Variants in WDR70 observed in about 807,000 individuals in gnomAD.
WDR70 encodes WD repeat domain 70, also known as WD repeat-containing protein 70.
In WDR70, 53 loss-of-function variants were observed where a neutral mutation model predicts 88.6. The ratio of observed to expected loss-of-function variants is 0.60; its 90% CI spans 0.48 to 0.75. The LOEUF (loss-of-function observed/expected upper bound fraction) is 0.75, where lower values mean the gene tolerates loss of function less well. Ranked by LOEUF, WDR70 falls within the 30% of genes least tolerant of loss-of-function variation. The probability of loss-of-function intolerance (pLI) is 0.00; values close to 1 mark genes in which losing one functional copy is unlikely to be tolerated. For missense variants in WDR70, 610 were observed against 823.2 expected (o/e 0.74, Z 3.17); for synonymous variants, 280 against 270.0 (o/e 1.04, Z -0.36).
intron 13 of WDR70, among the ~76,000 whole-genome samples, chr5:37,718,146 A>C (rs544869951): frequency 6.6e-6 from 1 of 152,316 alleles, no homozygotes; most frequent in South Asian, 2.1e-4. Flanking sequence ...AACATATACT[A>C]ATCAGCTATA....
chr5:37,500,800 A>T (rs1740386092), intron 8 of WDR70, among the ~76,000 whole-genome samples: 1 of 134,384 alleles, frequency 7.4e-6, no homozygotes, highest in Non-Finnish European at 1.5e-5. Flanking sequence ...ATCTCAGCTC[A>T]CCGCAGCCTC....
At chr5:37,428,757 T>A (rs140469926) in intron 5 of WDR70, among the ~76,000 whole-genome samples, 1 of 152,302 alleles carries the variant, frequency 6.6e-6, no homozygotes, top group African/African-American at 2.4e-5. Flanking sequence ...AGATATATGT[T>A]TTTATTTCTC....
rs1031271483 is a variant in WDR70 at position 37,439,723 on chromosome 5, CT to C, written c.552+1749del. 2.7e-5 allele frequency among the ~76,000 whole-genome samples: 4 copies of C among 145,486 alleles called. No individual in the cohort carries two copies. The Admixed American group carries it at 2.8e-4, about 10-fold the overall frequency. On this transcript the variant is annotated intron_variant, in intron 6 of 17. Coordinates refer to ENST00000265107, the MANE Select transcript of WDR70 (RefSeq NM_018034.4). ...TTAGAAGGTGACTTTTCTCTCTGAT[CT>C]TTTTTTCTTTTAAATGAGTTATTTT...
chr5:37,414,872 T>C (rs1182906779), intron 5 of WDR70, among the ~76,000 whole-genome samples: 1 of 149,378 alleles, frequency 6.7e-6, no homozygotes, highest in Non-Finnish European at 1.5e-5. Context: ...GGAGGGAAGG[T>C]CAGCAGATAA....
intron 13 of WDR70, among the ~76,000 whole-genome samples, chr5:37,715,605 C>T (rs2112685666): frequency 6.6e-6 from 1 of 152,212 alleles, no homozygotes; most frequent in Admixed American, 6.5e-5. Context: ...AGTCTTGTGG[C>T]CCATGCATGT....
intron 10 of WDR70, among the ~76,000 whole-genome samples, chr5:37,688,397 C>CT (rs1399286957): frequency 6.6e-6 from 1 of 152,130 alleles, no homozygotes; most frequent in African/African-American, 2.4e-5. Context: ...AATGATAGGT[C>CT]TTTCTTCTAT....
chr5:37,714,104 A>G (rs1001699492), intron 13 of WDR70, among the ~76,000 whole-genome samples: 5 of 152,346 alleles, frequency 3.3e-5, no homozygotes, highest in African/African-American at 9.6e-5. Context: ...TACCTGTACT[A>G]TAGTAAGATA....
At chr5:37,718,986 C>T (rs1747729333) in intron 13 of WDR70, among the ~76,000 whole-genome samples, 1 of 152,080 alleles carries the variant, frequency 6.6e-6, no homozygotes, top group South Asian at 2.1e-4. Context: ...AGTTCTGGGG[C>T]ACAGTTTTAA....
chr5:37,547,073 A>AG (rs1354257944), intron 9 of WDR70, among the ~76,000 whole-genome samples: 2 of 152,214 alleles, frequency 1.3e-5, no homozygotes, highest in Non-Finnish European at 2.9e-5. Flanking sequence ...AGGTCAGGCA[A>AG]GGTAGCATCA....
At chr5:37,479,636 A>G (rs1739597229) in intron 7 of WDR70, 198 bp from the exon 8 acceptor site, 1 of 514,542 alleles carries the variant, frequency 1.9e-6, no homozygotes, top group East Asian at 3.4e-5. Context: ...CTCCCAAAGT[A>G]TTGGGATTAT....
At chr5:37,487,626 TA>T (rs1406652988) in intron 8 of WDR70, among the ~76,000 whole-genome samples, 572 of 10,432 alleles carry the variant, frequency 0.055, 5 homozygotes, top group African/African-American at 0.082. Context: ...TATATATATG[TA>T]TTTTTTTTTT....
At chr5:37,743,617 CT>C (rs751221038) in intron 17 of WDR70, among the ~76,000 whole-genome samples, 2 of 152,212 alleles carry the variant, frequency 1.3e-5, no homozygotes, top group Non-Finnish European at 2.9e-5. Flanking sequence ...GGTCCCAAGA[CT>C]TGTCCCCACA....
chr5:37,486,591 T>G (rs1292572361), intron 8 of WDR70, among the ~76,000 whole-genome samples: 1 of 152,170 alleles, frequency 6.6e-6, no homozygotes, highest in Non-Finnish European at 1.5e-5. Flanking sequence ...GTGATCCGCC[T>G]GCCTTGGCCT....
chr5:37,622,464 T>A (rs1277025731), intron 10 of WDR70, among the ~76,000 whole-genome samples: 2 of 152,006 alleles, frequency 1.3e-5, no homozygotes, highest in Non-Finnish European at 2.9e-5. Flanking sequence ...GCAGCACTAT[T>A]CACAATAGCA....
chr5:37,531,525 CTTTT>C (rs1237155505), intron 9 of WDR70, among the ~76,000 whole-genome samples: 1 of 148,748 alleles, frequency 6.7e-6, no homozygotes, highest in Admixed American at 6.7e-5. Flanking sequence ...TGGATTAGTC[CTTTT>C]TATCATTATA....
At chr5:37,402,759 A>C (rs1330335729) in intron 5 of WDR70, among the ~76,000 whole-genome samples, 1 of 151,846 alleles carries the variant, frequency 6.6e-6, no homozygotes, top group Non-Finnish European at 1.5e-5. Flanking sequence ...CTATCTGACC[A>C]TATATTGGTA....
chr5:37,641,089 C>G (rs898352496), intron 10 of WDR70, among the ~76,000 whole-genome samples: 1 of 152,186 alleles, frequency 6.6e-6, no homozygotes, highest in African/African-American at 2.4e-5. Context: ...TTAGCCTTTT[C>G]TCTTTTATTT....
At chr5:37,423,699 G>C (rs1314893895) in intron 5 of WDR70, among the ~76,000 whole-genome samples, 2 of 149,962 alleles carry the variant, frequency 1.3e-5, no homozygotes, top group Non-Finnish European at 3.0e-5. Context: ...AGGTAGCTAG[G>C]ATTACAGGCA....
chr5:37,558,469 C>G (rs549527532), intron 9 of WDR70, among the ~76,000 whole-genome samples: 24 of 151,954 alleles, frequency 1.6e-4, no homozygotes, highest in Non-Finnish European at 3.1e-4. Context: ...TAGGTGCACA[C>G]CACCTTCCTG....
Sources: gnomAD v4.1 joint callset for allele counts (sites outside exome capture counted in the v4.1 genomes callset) on GRCh38, gnomAD v4.1.1 for gene constraint, MANE v1.5 for transcripts, NCBI Gene and HGNC (gene_info 2026-07-23, HGNC 2026-07-21) for gene names.